The following PCDH15 variants were observed in gnomAD, a reference collection of about 807,000 sequenced individuals.
The protein encoded by PCDH15 is protocadherin related 15, also known as protocadherin-15.
A neutral mutation model predicts 178.5 loss-of-function variants in PCDH15; 129 were observed. That is an observed-to-expected ratio of 0.72 (90% CI 0.63 to 0.84). PCDH15 has a LOEUF of 0.84. Among genes scored for constraint, PCDH15 ranks in the 40% least tolerant of loss-of-function variants. The probability of loss-of-function intolerance (pLI) is 0.00; values close to 1 mark genes in which losing one functional copy is unlikely to be tolerated. For missense variants in PCDH15, 2,230 were observed against 2,099.9 expected (o/e 1.06, Z -1.21); for synonymous variants, 800 against 732.0 (o/e 1.09, Z -1.50).
At chr10:54,500,534 A>G (rs2080570922) in intron 3 of PCDH15, among the ~76,000 whole-genome samples, 1 of 152,116 alleles carries the variant, frequency 6.6e-6, no homozygotes, top group African/African-American at 2.4e-5. Flanking sequence ...ATGATGATTC[A>G]CCAAAGGTTC....
intron 8 of PCDH15, among the ~76,000 whole-genome samples, chr10:54,248,118 T>G (rs1591407503): frequency 6.6e-6 from 1 of 151,762 alleles, no homozygotes; most frequent in South Asian, 2.1e-4. Context: ...ACTAGAAGCT[T>G]AATTGATACC....
chr10:54,181,401 T>G (rs2047974450), intron 13 of PCDH15, among the ~76,000 whole-genome samples: 1 of 152,200 alleles, frequency 6.6e-6, no homozygotes, highest in Non-Finnish European at 1.5e-5. Context: ...ATTTTAACTT[T>G]TATTTCAGAT....
At chr10:54,411,227 C>T (rs920366312) in intron 3 of PCDH15, among the ~76,000 whole-genome samples, 1 of 8,140 alleles carries the variant, frequency 1.2e-4, no homozygotes. Context: ...ATATATAGGC[C>T]CACTGCACCT....
intron 2 of PCDH15, among the ~76,000 whole-genome samples, chr10:55,499,625 G>T (rs971921982): frequency 6.6e-6 from 1 of 151,450 alleles, no homozygotes; most frequent in Admixed American, 6.6e-5. Flanking sequence ...TAGATGAAAG[G>T]TTATCCAATT....
chr10:54,174,192 T>C (rs1409695107), intron 13 of PCDH15, among the ~76,000 whole-genome samples: 5 of 151,986 alleles, frequency 3.3e-5, no homozygotes, highest in African/African-American at 1.2e-4. Context: ...ATAATACTCA[T>C]AGAAGGACAT....
intron 3 of PCDH15, among the ~76,000 whole-genome samples, chr10:54,879,574 A>G (rs929018906): frequency 1.1e-4 from 16 of 151,906 alleles, no homozygotes; most frequent in Non-Finnish European, 2.1e-4. Flanking sequence ...ATGTTATTGG[A>G]GTAGAGAAGC....
At chr10:54,151,637 A>G (rs779264653) in intron 14 of PCDH15, among the ~76,000 whole-genome samples, 1 of 152,166 alleles carries the variant, frequency 6.6e-6, no homozygotes, top group Admixed American at 6.6e-5. Context: ...ACATAAAAAG[A>G]AAAACAAAAA....
intron 8 of PCDH15, among the ~76,000 whole-genome samples, chr10:54,307,082 ATATATATATATGTGTGTGTGTG>A (rs2060564910): frequency 2.3e-4 from 1 of 4,426 alleles, no homozygotes; most frequent in African/African-American, 9.0e-4. Context: ...ATATATATAC[ATATATATATATGTGTGTGTGTG>A]TATATATATA....
intron 32 of PCDH15, chr10:53,823,557 G>A: frequency 1.4e-6 from 1 of 693,902 alleles, no homozygotes; most frequent in Non-Finnish European, 2.6e-6. Flanking sequence ...AGAGTTGTGA[G>A]AAGAATGAGA....
chr10:54,403,489 A>G (rs962541891), intron 3 of PCDH15, among the ~76,000 whole-genome samples: 3 of 152,032 alleles, frequency 2.0e-5, no homozygotes, highest in Admixed American at 1.3e-4. Context: ...CCAACATTAT[A>G]CTGAATTGGC....
In PCDH15 at chr10:55,481,803, A is replaced by T. The variant is rs549808346; in HGVS notation, c.-156+145822T>A. Among the ~76,000 whole-genome samples the T allele has an allele frequency of 4.6e-5, 7 of 151,892 alleles. No homozygotes were observed. The East Asian group carries it at 1.4e-3, about 30-fold the overall frequency. ...TTCCATATGCCAATGAGAAGATTGT[A>T]TATTCTGTTCTTTGGGGTGGAGAGT... On this transcript the variant is annotated intron_variant, in intron 2 of 5. Transcript: ENST00000613346.
At chr10:54,333,327 G>A (rs978553709) in intron 6 of PCDH15, among the ~76,000 whole-genome samples, 1 of 152,046 alleles carries the variant, frequency 6.6e-6, no homozygotes, top group Non-Finnish European at 1.5e-5. Context: ...CTTCTGAAAT[G>A]TTGCATATTG....
intron 2 of PCDH15, among the ~76,000 whole-genome samples, chr10:55,616,321 T>C (rs1174299168): frequency 6.6e-6 from 1 of 152,052 alleles, no homozygotes; most frequent in Non-Finnish European, 1.5e-5. Flanking sequence ...GGTAAAACAA[T>C]TGTATGGTAG....
intron 1 of PCDH15, among the ~76,000 whole-genome samples, chr10:55,281,057 AGTAAAAGAATATCT>A (rs1842720725): frequency 6.6e-6 from 1 of 152,222 alleles, no homozygotes; most frequent in Admixed American, 6.5e-5. Flanking sequence ...TTAACAGTTT[AGTAAAAGAATATCT>A]GCAATGCTAT....
At chr10:54,017,202 T>C (rs931897794) in intron 20 of PCDH15, among the ~76,000 whole-genome samples, 1 of 152,112 alleles carries the variant, frequency 6.6e-6, no homozygotes, top group Admixed American at 6.5e-5. Context: ...TTTTTGTATT[T>C]TTAATAGAGG....
intron 2 of PCDH15, among the ~76,000 whole-genome samples, chr10:55,445,271 GC>G (rs1839290211): frequency 6.6e-6 from 1 of 151,870 alleles, no homozygotes; most frequent in Non-Finnish European, 1.5e-5. Context: ...TGGTTTTCCT[GC>G]TTTTTTTTTC....
At chr10:54,290,054 G>A (rs1258199554) in intron 8 of PCDH15, among the ~76,000 whole-genome samples, 1 of 151,886 alleles carries the variant, frequency 6.6e-6, no homozygotes, top group Non-Finnish European at 1.5e-5. Context: ...GAACACCACA[G>A]ACACTCCTTG....
intron 3 of PCDH15, among the ~76,000 whole-genome samples, chr10:54,520,629 G>C (rs2082750235): frequency 6.6e-6 from 1 of 151,884 alleles, no homozygotes; most frequent in African/African-American, 2.4e-5. Flanking sequence ...CTGTCAACTA[G>C]TTCAACCATT....
At position 53,888,318 on chromosome 10, in the gene PCDH15, G is replaced by GTATATATATGTACGTACATATATA. The variant is rs1238264864; in HGVS notation, c.3501+14924_3501+14925insTATATATGTACGTACATATATATA. On this transcript the variant is annotated intron_variant, in intron 26 of 37. Coordinates refer to ENST00000644397, the MANE Select transcript of PCDH15 (RefSeq NM_001384140.1). Reference sequence around the variant, plus strand: ...TATATATATATATATATGTATATATGTACGTATATATATGTACGTATATAT... The same window carrying GTATATATATGTACGTACATATATA: ...TATATATATATATATATGTATATATGTATATATATGTACGTACATATATATACGTATATATATGTACGTATATAT... Among the ~76,000 whole-genome samples the GTATATATATGTACGTACATATATA allele has an allele frequency of 4.1e-4, 38 of 91,782 alleles. 2 individuals carry two copies. Among genetic ancestry groups the GTATATATATGTACGTACATATATA allele is most frequent in the South Asian group, 1.5e-3 (4 of 2,654 alleles). The allele number at this position is 91,782 out of a possible 152,430, so 60.2% of individuals were successfully genotyped here. A position where few individuals can be genotyped will look rare whatever the true frequency, so the allele number is the denominator to read the frequency against.
Sources: allele counts gnomAD v4.1 joint callset (sites outside exome capture counted in the v4.1 genomes callset), GRCh38; gene constraint gnomAD v4.1.1; transcripts MANE v1.5; gene names NCBI Gene and HGNC (gene_info 2026-07-23, HGNC 2026-07-21).